The following HSD17B7 variants were observed in gnomAD, a reference collection of about 807,000 sequenced individuals.
The protein encoded by HSD17B7 is hydroxysteroid 17-beta dehydrogenase 7.
HSD17B7 carries 17 observed loss-of-function variants against 34.1 expected under a neutral mutation model. That is an observed-to-expected ratio of 0.50 (90% CI 0.34 to 0.75). The LOEUF (loss-of-function observed/expected upper bound fraction) is 0.75, where lower values mean the gene tolerates loss of function less well. Ranked by LOEUF, HSD17B7 falls within the 30% of genes least tolerant of loss-of-function variation. HSD17B7 has a pLI of 0.01. For missense variants in HSD17B7, 296 were observed against 406.6 expected, an observed-to-expected ratio of 0.73 and a Z score of 2.34; for synonymous variants, 122 against 154.6, an observed-to-expected ratio of 0.79 and a Z score of 1.56.
At chr1:162,803,585 G>T (rs773546422) in intron 6 of HSD17B7, 50 bp downstream of exon 6, 17 of 1,583,062 alleles carry the variant, frequency 1.1e-5, no homozygotes, top group Non-Finnish European at 1.4e-5. Context: ...TCTCTTTTTG[G>T]GACCTAGAAG....
chr1:162,802,286 G>A (rs1307435421), intron 5 of HSD17B7, among the ~76,000 whole-genome samples: 3 of 152,174 alleles, frequency 2.0e-5, no homozygotes, highest in Non-Finnish European at 2.9e-5. Context: ...CTGGATTTTA[G>A]TTTGAAGATT....
At chr1:162,808,612 C>T (rs1189999200) in intron 8 of HSD17B7, among the ~76,000 whole-genome samples, 1 of 152,052 alleles carries the variant, frequency 6.6e-6, no homozygotes, top group Non-Finnish European at 1.5e-5. Flanking sequence ...ATGGAATGTT[C>T]TTCCATTTGT....
At chr1:162,809,837 C>G (rs1295619719) in intron 8 of HSD17B7, among the ~76,000 whole-genome samples, 2 of 152,060 alleles carry the variant, frequency 1.3e-5, no homozygotes, top group Non-Finnish European at 2.9e-5. Context: ...ATTCTTCTCT[C>G]TCTTCTTCTT....
chr1:162,792,405 A>G (rs1328907937), intron 1 of HSD17B7, among the ~76,000 whole-genome samples: 3 of 152,264 alleles, frequency 2.0e-5, no homozygotes, highest in African/African-American at 7.2e-5. Flanking sequence ...CTAAAGAACA[A>G]TTCTTGTTTT....
chr1:162,806,823 A>C (rs757894874), intron 8 of HSD17B7, among the ~76,000 whole-genome samples: 1 of 152,214 alleles, frequency 6.6e-6, no homozygotes, highest in East Asian at 1.9e-4. Context: ...GCATTGAAGA[A>C]AGTATTTTAA....
chr1:162,812,178 A>G (rs2997361), intron 8 of HSD17B7, 120 bp from the exon 9 acceptor site: 3 of 1,299,836 alleles, frequency 2.3e-6, no homozygotes, highest in Non-Finnish European at 3.1e-6. Context: ...GTCTGCCACC[A>G]TGGCCCTTTC....
chr1:162,797,222 G>A (rs1648641801), intron 3 of HSD17B7: 1 of 159,622 alleles, frequency 6.3e-6, no homozygotes, highest in South Asian at 1.8e-4. Context: ...CTTACTATGT[G>A]CTGCTTACTA....
chr1:162,790,980 A>G (rs1648385168), intron 1 of HSD17B7, 145 bp downstream of exon 1: 1 of 639,520 alleles, frequency 1.6e-6, no homozygotes, highest in African/African-American at 1.8e-5. Flanking sequence ...GGTGTGGGGC[A>G]TGTCGGCCTC....
intron 8 of HSD17B7, among the ~76,000 whole-genome samples, chr1:162,809,516 A>G (rs1410129502): frequency 2.0e-5 from 3 of 151,354 alleles, no homozygotes; most frequent in Admixed American, 6.6e-5. Context: ...CTCTTTTTCT[A>G]TTGATTGGAA....
At chr1:162,801,655 G>A (rs1266690359) in intron 5 of HSD17B7, among the ~76,000 whole-genome samples, 3 of 152,158 alleles carry the variant, frequency 2.0e-5, no homozygotes, top group Non-Finnish European at 2.9e-5. Flanking sequence ...TTGGGTGTGT[G>A]CATGTGTGTA....
intron 2 of HSD17B7, among the ~76,000 whole-genome samples, chr1:162,795,244 G>A (rs1330731401): frequency 2.6e-5 from 4 of 152,188 alleles, no homozygotes; most frequent in South Asian, 4.1e-4. Context: ...AATGGCTCAA[G>A]TAGCACCATC....
chr1:162,811,511 A>G (rs542030971), intron 8 of HSD17B7, among the ~76,000 whole-genome samples: 1 of 152,376 alleles, frequency 6.6e-6, no homozygotes, highest in Admixed American at 6.5e-5. Context: ...AAAAGGGCTG[A>G]AAGTTTGCCT....
At chr1:162,801,562 G>A (rs1455590841) in intron 5 of HSD17B7, among the ~76,000 whole-genome samples, 1 of 152,152 alleles carries the variant, frequency 6.6e-6, no homozygotes, top group Non-Finnish European at 1.5e-5. Context: ...GTATGTATTT[G>A]TGTGCCTACC....
At chr1:162,800,384 T>C (rs1648767693) in intron 5 of HSD17B7, 2 of 428,472 alleles carry the variant, frequency 4.7e-6, no homozygotes, top group Non-Finnish European at 4.7e-6. Flanking sequence ...GAGGCTGTCT[T>C]GACTTTATAG....
chr1:162,811,182 G>A (rs1035952174), intron 8 of HSD17B7, among the ~76,000 whole-genome samples: 1 of 152,112 alleles, frequency 6.6e-6, no homozygotes, highest in African/African-American at 2.4e-5. Flanking sequence ...TGTCTGTAAA[G>A]GATTTTATTT....
In HSD17B7 at chr1:162,812,203, C is replaced by T. The variant is rs2102239266; in HGVS notation, c.904-95C>T. On this transcript the variant is annotated intron_variant, in intron 8 of 8. Coordinates refer to ENST00000254521, the MANE Select transcript of HSD17B7 (RefSeq NM_016371.4). Reference sequence around the variant, plus strand: ...ATGGCCCTTTCCTGCTGCCTCCTTTCTTTTTATTTCATATATTGAATGCCT... The same window carrying T: ...ATGGCCCTTTCCTGCTGCCTCCTTTTTTTTTATTTCATATATTGAATGCCT... The T allele has an allele frequency of 6.2e-6, 9 of 1,442,692 alleles. No homozygotes were observed. The South Asian group carries it at 7.4e-5, about 12-fold the overall frequency. The allele number at this position is 1,442,692 out of a possible 1,614,324, so 89.4% of individuals were successfully genotyped here. A position where few individuals can be genotyped will look rare whatever the true frequency, so the allele number is the denominator to read the frequency against.
intron 2 of HSD17B7, among the ~76,000 whole-genome samples, chr1:162,794,413 G>A (rs1648529136): frequency 6.6e-6 from 1 of 152,042 alleles, no homozygotes; most frequent in Non-Finnish European, 1.5e-5. Flanking sequence ...CTTTGTAAAT[G>A]TGGTTTCTCT....
At chr1:162,796,863 A>G (rs1297741430) in intron 3 of HSD17B7, among the ~76,000 whole-genome samples, 186 bp downstream of exon 3, 1 of 152,178 alleles carries the variant, frequency 6.6e-6, no homozygotes, top group Non-Finnish European at 1.5e-5. Flanking sequence ...GAGTGCTGAA[A>G]GTCCCGTTTT....
intron 8 of HSD17B7, among the ~76,000 whole-genome samples, 179 bp downstream of exon 8, chr1:162,805,671 C>T (rs1648959435): frequency 6.6e-6 from 1 of 152,210 alleles, no homozygotes; most frequent in South Asian, 2.1e-4. Context: ...ACATCTTATT[C>T]CCCCGACTTG....
Sources: allele counts gnomAD v4.1 joint callset (sites outside exome capture counted in the v4.1 genomes callset), GRCh38; gene constraint gnomAD v4.1.1; transcripts MANE v1.5; gene names NCBI Gene and HGNC (gene_info 2026-07-23, HGNC 2026-07-21).